The following KCNIP4 variants were observed in gnomAD, a reference collection of about 807,000 sequenced individuals.
KCNIP4 encodes the protein potassium voltage-gated channel interacting protein 4.
Under a neutral mutation model 34.0 loss-of-function variants are expected in KCNIP4, and 12 were observed. The observed-to-expected ratio is 0.35, with a 90% CI of 0.23 to 0.57. The LOEUF is 0.57. KCNIP4 is among the 20% of genes least tolerant of loss of function. The pLI is 0.83. For missense variants in KCNIP4, 238 were observed against 311.7 expected, an observed-to-expected ratio of 0.76 and a Z score of 1.78; for synonymous variants, 124 against 102.2, an observed-to-expected ratio of 1.21 and a Z score of -1.29.
intron 3 of KCNIP4, among the ~76,000 whole-genome samples, chr4:20,764,124 A>G (rs1755186419): frequency 6.6e-6 from 1 of 152,118 alleles, no homozygotes; most frequent in African/African-American, 2.4e-5. Context: ...TCTGTATTCT[A>G]TTTTCTAATG....
intron 1 of KCNIP4, among the ~76,000 whole-genome samples, chr4:20,990,127 C>T (rs1386079088): frequency 6.6e-6 from 1 of 152,186 alleles, no homozygotes; most frequent in Non-Finnish European, 1.5e-5. Context: ...TATGACCCTT[C>T]ATGTCTCTTC....
At chr4:21,165,815 C>G (rs936312095) in intron 1 of KCNIP4, among the ~76,000 whole-genome samples, 32 of 152,166 alleles carry the variant, frequency 2.1e-4, no homozygotes, top group Non-Finnish European at 4.1e-4. Flanking sequence ...CATGTTAAAA[C>G]TAAATTTCCA....
chr4:21,437,564 C>A (rs1727057604), intron 1 of KCNIP4, among the ~76,000 whole-genome samples: 2 of 152,136 alleles, frequency 1.3e-5, no homozygotes, highest in Admixed American at 6.5e-5. Context: ...TCAGGCCCAG[C>A]AATTTTGGAT....
At chr4:21,211,295 G>A (rs1577895001) in intron 1 of KCNIP4, among the ~76,000 whole-genome samples, 1 of 152,230 alleles carries the variant, frequency 6.6e-6, no homozygotes, top group Non-Finnish European at 1.5e-5. Context: ...TCTACCCTAT[G>A]AGAGGGGCTC....
At chr4:21,108,727 T>C (rs1748831583) in intron 1 of KCNIP4, among the ~76,000 whole-genome samples, 1 of 150,834 alleles carries the variant, frequency 6.6e-6, no homozygotes, top group Admixed American at 6.6e-5. Context: ...ATCTTTGTGG[T>C]TTTATCTACT....
At chr4:20,783,586 C>T (rs1036512188) in intron 3 of KCNIP4, among the ~76,000 whole-genome samples, 1 of 152,044 alleles carries the variant, frequency 6.6e-6, no homozygotes, top group African/African-American at 2.4e-5. Context: ...GGAACCACAC[C>T]CATTATTTAA....
rs183034088 is a variant in KCNIP4 at position 21,060,121 on chromosome 4, G to A, written c.62-177412C>T. Among the ~76,000 whole-genome samples, 379 of 152,084 alleles carry A rather than the reference G, an allele frequency of 2.5e-3. 1 individual carries two copies. Among genetic ancestry groups the A allele is most frequent in the African/African-American group, 8.8e-3 (367 of 41,504 alleles). On this transcript the variant is annotated intron_variant, in intron 1 of 8. Coordinates refer to ENST00000382152, the MANE Select transcript of KCNIP4 (RefSeq NM_025221.6). ...TATAGCTCAGAAGTTCCAGTTTCTTGGTGTTCTTTTCTGGTATTAGAGGTA... is the reference window on the plus strand; with the variant it reads ...TATAGCTCAGAAGTTCCAGTTTCTTAGTGTTCTTTTCTGGTATTAGAGGTA...
intron 1 of KCNIP4, among the ~76,000 whole-genome samples, chr4:21,549,544 T>C (rs752430116): frequency 7.9e-5 from 12 of 151,992 alleles, no homozygotes; most frequent in Admixed American, 2.0e-4. Context: ...TAGGCCTCAC[T>C]AGAAGCCAAG....
intron 1 of KCNIP4, among the ~76,000 whole-genome samples, chr4:21,796,878 G>A (rs1355032069): frequency 6.6e-6 from 1 of 152,202 alleles, no homozygotes; most frequent in East Asian, 1.9e-4. Context: ...AAGTGATACA[G>A]TATTTTACAG....
chr4:21,238,956 G>A (rs550729070), intron 1 of KCNIP4, among the ~76,000 whole-genome samples: 10 of 152,198 alleles, frequency 6.6e-5, no homozygotes, highest in South Asian at 2.1e-4. Flanking sequence ...GAGGCATCAC[G>A]CTACTTGACT....
At chr4:20,910,395 A>G (rs1728219047) in intron 1 of KCNIP4, among the ~76,000 whole-genome samples, 1 of 152,044 alleles carries the variant, frequency 6.6e-6, no homozygotes, top group South Asian at 2.1e-4. Context: ...CTCAAGCATC[A>G]TTACCCAACA....
At chr4:21,757,259 AAAGAAAAG>A (rs1717713385) in intron 1 of KCNIP4, among the ~76,000 whole-genome samples, 1 of 30,058 alleles carries the variant, frequency 3.3e-5, no homozygotes, top group Admixed American at 2.4e-4. Context: ...AAAGAAAAGA[AAAGAAAAG>A]AAAAGAAAAG....
At position 20,860,427 on chromosome 4, in the gene KCNIP4, C is replaced by G. The variant is rs530040988; in HGVS notation, c.164-9760G>C. 2.6e-4 allele frequency among the ~76,000 whole-genome samples: 39 copies of G among 152,240 alleles called. 1 individual carries two copies. The highest frequency in any genetic ancestry group is 2.4e-3 in the Admixed American group (36 of 15,294). On this transcript the variant is annotated intron_variant, in intron 2 of 8. Coordinates refer to ENST00000382152, the MANE Select transcript of KCNIP4 (RefSeq NM_025221.6). ...TGCTGGGATTATAAGCGTGAGTCACCGCACCCAGTCCCATTTCTAAATACA... is the reference window on the plus strand; with the variant it reads ...TGCTGGGATTATAAGCGTGAGTCACGGCACCCAGTCCCATTTCTAAATACA...
At chr4:21,769,185 A>C (rs970017895) in intron 1 of KCNIP4, among the ~76,000 whole-genome samples, 28 of 151,428 alleles carry the variant, frequency 1.8e-4, no homozygotes, top group African/African-American at 6.6e-4. Flanking sequence ...TTTAAAAAAA[A>C]CTACTCCAAT....
At chr4:21,239,570 A>G (rs1395950536) in intron 1 of KCNIP4, among the ~76,000 whole-genome samples, 2 of 152,152 alleles carry the variant, frequency 1.3e-5, no homozygotes, top group East Asian at 3.9e-4. Flanking sequence ...GGAAGGATAT[A>G]AACAAACACT....
At chr4:21,728,148 C>G (rs1007072712) in intron 1 of KCNIP4, among the ~76,000 whole-genome samples, 4 of 152,122 alleles carry the variant, frequency 2.6e-5, no homozygotes, top group African/African-American at 9.7e-5. Flanking sequence ...AAATCTCCAG[C>G]CTGAGTCTCT....
chr4:21,739,087 T>C (rs540045645), intron 1 of KCNIP4, among the ~76,000 whole-genome samples: 1 of 152,190 alleles, frequency 6.6e-6, no homozygotes, highest in South Asian at 2.1e-4. Flanking sequence ...TACATTTTGC[T>C]GAGAAAAGGA....
At chr4:20,873,136 T>C (rs1035163508) in intron 2 of KCNIP4, among the ~76,000 whole-genome samples, 17 of 152,314 alleles carry the variant, frequency 1.1e-4, no homozygotes, top group Non-Finnish European at 2.2e-4. Flanking sequence ...ACGATTGCCA[T>C]GTTTTGACTT....
chr4:21,883,533 T>C (rs966125921), intron 1 of KCNIP4, among the ~76,000 whole-genome samples: 7 of 152,194 alleles, frequency 4.6e-5, no homozygotes, highest in Non-Finnish European at 7.4e-5. Context: ...AAATCTTAGA[T>C]ACACGTCATG....
Sources: allele counts gnomAD v4.1 joint callset (sites outside exome capture counted in the v4.1 genomes callset), GRCh38; gene constraint gnomAD v4.1.1; transcripts MANE v1.5; gene names NCBI Gene and HGNC (gene_info 2026-07-23, HGNC 2026-07-21).